Variants in PLEKHO2 observed in about 807,000 individuals in gnomAD.
PLEKHO2 encodes pleckstrin homology domain-containing family O member 2.
A neutral mutation model predicts 32.7 loss-of-function variants in PLEKHO2; 20 were observed. The ratio of observed to expected loss-of-function variants is 0.61; its 90% CI spans 0.43 to 0.89. PLEKHO2 has a LOEUF of 0.89. Ranked by LOEUF, PLEKHO2 falls within the 40% of genes least tolerant of loss-of-function variation. The pLI is 0.00. For synonymous variants in PLEKHO2, 247 were observed against 246.3 expected (o/e 1.00, Z -0.03); for missense variants, 568 against 621.2 (o/e 0.91, Z 0.91).
chr15:64,854,339 T>C (rs1363557183), intron 2 of PLEKHO2, among the ~76,000 whole-genome samples: 1 of 152,180 alleles, frequency 6.6e-6, no homozygotes, highest in Non-Finnish European at 1.5e-5. Context: ...GTTGCTTGTA[T>C]GTAGCCTGCA....
rs571534181 is a variant in PLEKHO2, at chr15:64,859,078, C to T, written c.280-816C>T. The stretch of plus-strand genomic sequence containing the variant: ...TTAGCACAATGTTTTCAAGGTTCAT[C>T]CCTGTTGTAGCATGTGTCAGATTTT... On this transcript the variant is annotated intron_variant, in intron 3 of 5. Coordinates refer to ENST00000323544, the MANE Select transcript of PLEKHO2 (RefSeq NM_025201.5). Among the ~76,000 whole-genome samples the T allele has an allele frequency of 7.2e-5, 11 of 152,290 alleles. No individual in the cohort carries two copies. The South Asian group carries it at 1.9e-3, about 26-fold the overall frequency.
intron 2 of PLEKHO2, 94 bp from the exon 3 acceptor site, chr15:64,854,827 C>T (rs1474878308): frequency 1.0e-6 from 1 of 964,254 alleles, no homozygotes; most frequent in South Asian, 1.4e-5. Context: ...GTGATGTCCT[C>T]GCTGAGTGGG....
chr15:64,855,954 A>G (rs1165823934), intron 3 of PLEKHO2, among the ~76,000 whole-genome samples: 2 of 146,364 alleles, frequency 1.4e-5, no homozygotes, highest in African/African-American at 2.8e-5. Context: ...GAAGACCACA[A>G]TGCTTTACTC....
intron 1 of PLEKHO2, among the ~76,000 whole-genome samples, chr15:64,844,314 C>G (rs2084507563): frequency 6.6e-6 from 1 of 152,230 alleles, no homozygotes; most frequent in South Asian, 2.1e-4. Flanking sequence ...GGAGGAGATG[C>G]TGGTCTGGGC....
In PLEKHO2 at chr15:64,856,295, G is replaced by A. The variant is rs981986479; in HGVS notation, c.279+1258G>A. ...AGAGATGAGATGCAAAGTATGTTCT[G>A]TGTGAAGATCTGCCACCTGTGTGTC... is the stretch of plus-strand genomic sequence containing the variant. On this transcript the variant is annotated intron_variant, in intron 3 of 5. Coordinates refer to ENST00000323544, the MANE Select transcript of PLEKHO2 (RefSeq NM_025201.5). 3.3e-5 allele frequency among the ~76,000 whole-genome samples: 5 copies of A among 152,278 alleles called. No homozygotes were observed. In the East Asian group the frequency reaches 9.6e-4, roughly 29 times the overall value.
At chr15:64,855,065 C>T in intron 3 of PLEKHO2, 28 bp downstream of exon 3, 1 of 1,533,516 alleles carries the variant, frequency 6.5e-7, no homozygotes, top group Non-Finnish European at 8.9e-7. Context: ...GCTGCCCCAT[C>T]TCCCTCTAGC....
At chr15:64,848,335 G>A (rs1256572865) in intron 1 of PLEKHO2, among the ~76,000 whole-genome samples, 1 of 152,210 alleles carries the variant, frequency 6.6e-6, no homozygotes, top group East Asian at 1.9e-4. Flanking sequence ...TCTTGGAGGG[G>A]AGTTGTAAGA....
intron 1 of PLEKHO2, 48 bp from the exon 2 acceptor site, chr15:64,848,545 G>T: frequency 6.2e-7 from 1 of 1,610,498 alleles, no homozygotes; most frequent in Admixed American, 1.7e-5. Flanking sequence ...TGTGACCTGT[G>T]ACCCCATGGT....
intron 5 of PLEKHO2, among the ~76,000 whole-genome samples, chr15:64,864,002 C>T (rs1247093838): frequency 6.6e-6 from 1 of 152,134 alleles, no homozygotes; most frequent in Non-Finnish European, 1.5e-5. Context: ...CTCGGCCTCC[C>T]AAAGTGCTGG....
At position 64,861,518 on chromosome 15, in the gene PLEKHO2, G is replaced by T; in HGVS notation, c.426G>T (p.Arg142=). 6.2e-7 allele frequency: 1 copy of T among 1,609,588 alleles called. No homozygotes were observed. Among genetic ancestry groups the T allele is most frequent in the Non-Finnish European group, 8.5e-7 (1 of 1,178,448 alleles). ...GCTGCGCCCTGGAGCATGTGACACG[G>T]GACCGGGTGCGAGGGGGCCAGCGAC... The part of the protein sequence containing the change: ...DKSCALEHVT[R]DRVRGGQRRR... Residue 142 remains arginine, a synonymous_variant, in exon 5 of 6, where the codon CGG becomes CGT. Coordinates refer to ENST00000323544, the MANE Select transcript of PLEKHO2 (RefSeq NM_025201.5).
chr15:64,845,070 TG>T (rs1478548780), intron 1 of PLEKHO2, among the ~76,000 whole-genome samples: 1 of 152,226 alleles, frequency 6.6e-6, no homozygotes, highest in East Asian at 1.9e-4. Flanking sequence ...AGAACATCAC[TG>T]GGTTTTGTCA....
chr15:64,864,928 G>T lies in PLEKHO2; in HGVS notation c.513G>T (p.Leu171=), dbSNP rs763827560. ...CCAGTGCAGCTTCTGACGGTCTTCTGCGCCTGGATCTTGATGTTCCGGACA... is the reference window on the plus strand; with the variant it reads ...CCAGTGCAGCTTCTGACGGTCTTCTTCGCCTGGATCTTGATGTTCCGGACA... The part of the protein sequence containing the change: ...EVASAASDGL[L]RLDLDVPDSG... Residue 171 remains leucine, a synonymous_variant, in exon 6 of 6, where the codon CTG becomes CTT. Coordinates refer to ENST00000323544, the MANE Select transcript of PLEKHO2 (RefSeq NM_025201.5). 1 of 1,612,336 alleles carries T rather than the reference G, an allele frequency of 6.2e-7. No individual in the cohort carries two copies. The highest frequency in any genetic ancestry group is 1.3e-5 in the African/African-American group (1 of 74,932).
intron 1 of PLEKHO2, among the ~76,000 whole-genome samples, chr15:64,842,375 A>ACT (rs113444184): frequency 1.4e-4 from 19 of 136,326 alleles, no homozygotes; most frequent in African/African-American, 2.8e-4. Flanking sequence ...TCGGATCCTG[A>ACT]CTCTCTCTCT....
At chr15:64,862,969 T>G in intron 5 of PLEKHO2, among the ~76,000 whole-genome samples, 1 of 139,020 alleles carries the variant, frequency 7.2e-6, no homozygotes, top group South Asian at 2.5e-4. Context: ...AGATTGAGTC[T>G]CGCTCTGTCG....
rs954598340 is a variant in PLEKHO2 at position 64,865,877 on chromosome 15, A to G, written c.1462A>G (p.Ser488Gly). ...GGAGCTGGTGACCCTCTACAGGAGA[A>G]GTGCACCCTAGGGCCTTCTGGGCCA... ...RKELVTLYRR[S>G]AP The change falls in exon 6 of 6, where the codon AGT becomes GGT. Residue 488 changes from serine (S) to glycine (G), a missense_variant. Transcript: ENST00000323544. 5.0e-6 allele frequency: 8 copies of G among 1,604,346 alleles called. No homozygotes were observed. The African/African-American group carries it at 9.3e-5, about 19-fold the overall frequency.
intron 2 of PLEKHO2, among the ~76,000 whole-genome samples, chr15:64,854,198 G>T (rs1398538421): frequency 2.6e-5 from 4 of 152,228 alleles, no homozygotes; most frequent in Non-Finnish European, 5.9e-5. Context: ...TGGTGGGCAG[G>T]AAGACAGTCT....
intron 1 of PLEKHO2, among the ~76,000 whole-genome samples, chr15:64,844,589 A>G (rs963277377): frequency 4.0e-5 from 6 of 151,848 alleles, no homozygotes; most frequent in Admixed American, 3.9e-4. Context: ...CCATCTAGAG[A>G]CAAGCAGGGC....
intron 1 of PLEKHO2, among the ~76,000 whole-genome samples, chr15:64,844,282 C>G (rs1163716261): frequency 6.6e-6 from 1 of 152,202 alleles, no homozygotes; most frequent in Non-Finnish European, 1.5e-5. Flanking sequence ...AGGCTGGTAG[C>G]TCTTGTCAGG....
intron 2 of PLEKHO2, among the ~76,000 whole-genome samples, chr15:64,853,583 C>T (rs2084586551): frequency 6.6e-6 from 1 of 152,042 alleles, no homozygotes; most frequent in African/African-American, 2.4e-5. Context: ...TGTGAGCCAC[C>T]GCACCCAGCC....
Sources: allele counts gnomAD v4.1 joint callset (sites outside exome capture counted in the v4.1 genomes callset), GRCh38; gene constraint gnomAD v4.1.1; transcripts MANE v1.5; gene names NCBI Gene and HGNC (gene_info 2026-07-23, HGNC 2026-07-21).